Variants in CERS6 observed in about 807,000 individuals in gnomAD.
The protein encoded by CERS6 is LAG1 homolog, ceramide synthase 6.
A neutral mutation model predicts 56.8 loss-of-function variants in CERS6; 26 were observed. That is an observed-to-expected ratio of 0.46 (90% CI 0.34 to 0.63). The LOEUF is 0.63. CERS6 is among the 30% of genes least tolerant of loss of function. CERS6 has a pLI of 0.01. For missense variants in CERS6, 415 were observed against 467.5 expected (o/e 0.89, Z 1.04); for synonymous variants, 164 against 173.3 (o/e 0.95, Z 0.42).
intron 8 of CERS6, among the ~76,000 whole-genome samples, chr2:168,744,575 A>C (rs12692885): frequency 7.2e-5 from 11 of 152,130 alleles, no homozygotes; most frequent in African/African-American, 2.7e-4. Flanking sequence ...TGAATTATCT[A>C]TGAGTTGGGA....
At chr2:168,760,352 C>T (rs1684537776) in intron 8 of CERS6, among the ~76,000 whole-genome samples, 1 of 152,074 alleles carries the variant, frequency 6.6e-6, no homozygotes, top group Non-Finnish European at 1.5e-5. Flanking sequence ...GGAGACTAGG[C>T]CAGTCTCGCG....
chr2:168,660,032 G>A (rs1425961346), intron 4 of CERS6, among the ~76,000 whole-genome samples: 3 of 152,194 alleles, frequency 2.0e-5, no homozygotes, highest in Admixed American at 6.5e-5. Context: ...TATGCTTTCT[G>A]TTGCCACTAT....
chr2:168,636,451 C>T (rs945290475), intron 4 of CERS6, among the ~76,000 whole-genome samples: 2 of 152,130 alleles, frequency 1.3e-5, no homozygotes, highest in South Asian at 2.1e-4. Flanking sequence ...TGACCCTGCT[C>T]ATTATACTTA....
intron 3 of CERS6, among the ~76,000 whole-genome samples, chr2:168,596,808 A>G (rs1683811002): frequency 6.6e-6 from 1 of 152,156 alleles, no homozygotes; most frequent in Non-Finnish European, 1.5e-5. Flanking sequence ...CTGGAATTAC[A>G]GGTGTGAACC....
intron 6 of CERS6, among the ~76,000 whole-genome samples, chr2:168,712,596 G>A (rs7590078): frequency 0.027 from 4,049 of 152,272 alleles, 162 homozygotes; most frequent in African/African-American, 0.088. Context: ...ATAGTAGCGT[G>A]ATTACTTTTT....
chr2:168,631,229 A>G (rs577534906), intron 4 of CERS6, among the ~76,000 whole-genome samples, 187 bp downstream of exon 4: 3 of 150,760 alleles, frequency 2.0e-5, no homozygotes. Context: ...TAGTCACTCC[A>G]GTGGGTTATT....
At chr2:168,691,595 C>A (rs1334929791) in intron 5 of CERS6, among the ~76,000 whole-genome samples, 1 of 152,198 alleles carries the variant, frequency 6.6e-6, no homozygotes, top group African/African-American at 2.4e-5. Flanking sequence ...AGGATTATTT[C>A]TGCAACTAAA....
chr2:168,627,136 C>T (rs545154168), intron 3 of CERS6, among the ~76,000 whole-genome samples: 4 of 152,008 alleles, frequency 2.6e-5, no homozygotes, highest in African/African-American at 7.2e-5. Context: ...GAAATTTTCC[C>T]GTAAGAATGA....
intron 1 of CERS6, among the ~76,000 whole-genome samples, chr2:168,523,708 C>T (rs1263299522): frequency 2.0e-5 from 3 of 151,932 alleles, no homozygotes; most frequent in Admixed American, 6.5e-5. Flanking sequence ...TGGAGAGAGG[C>T]GTGGAGGTTC....
intron 6 of CERS6, among the ~76,000 whole-genome samples, chr2:168,711,401 T>C (rs1687085423): frequency 6.6e-6 from 1 of 152,228 alleles, no homozygotes; most frequent in African/African-American, 2.4e-5. Flanking sequence ...CCTAGAATTA[T>C]AGAACTGACA....
At chr2:168,763,431 T>G (rs1684638282) in intron 8 of CERS6, among the ~76,000 whole-genome samples, 1 of 151,770 alleles carries the variant, frequency 6.6e-6, no homozygotes, top group Non-Finnish European at 1.5e-5. Flanking sequence ...TTTTATTTTT[T>G]TTGTATTTTT....
chr2:168,631,608 A>T (rs1287995697), intron 4 of CERS6, among the ~76,000 whole-genome samples: 1 of 117,286 alleles, frequency 8.5e-6, no homozygotes, highest in Non-Finnish European at 1.6e-5. Context: ...TAAATATATA[A>T]TATATTTAAT....
At chr2:168,638,278 T>C (rs1317690937) in intron 4 of CERS6, among the ~76,000 whole-genome samples, 1 of 152,136 alleles carries the variant, frequency 6.6e-6, no homozygotes, top group African/African-American at 2.4e-5. Flanking sequence ...AGAACAATTT[T>C]TTCTCTCCTT....
intron 1 of CERS6, among the ~76,000 whole-genome samples, chr2:168,494,421 G>T (rs1458065326): frequency 6.6e-6 from 1 of 152,062 alleles, no homozygotes; most frequent in African/African-American, 2.4e-5. Flanking sequence ...TGTGAAATGA[G>T]GATAAAAATG....
chr2:168,537,554 T>C (rs932805444), intron 1 of CERS6, among the ~76,000 whole-genome samples: 4 of 152,192 alleles, frequency 2.6e-5, no homozygotes, highest in African/African-American at 4.8e-5. Context: ...AAAAAATCAA[T>C]GTATTATAGA....
chr2:168,561,343 T>C (rs1360781907), intron 3 of CERS6, 21 bp downstream of exon 3: 1 of 1,613,794 alleles, frequency 6.2e-7, no homozygotes, highest in African/African-American at 1.3e-5. Flanking sequence ...GTTTTTCTTT[T>C]TGAAAGAAAA....
intron 3 of CERS6, among the ~76,000 whole-genome samples, chr2:168,567,074 A>T (rs1225171995): frequency 1.3e-5 from 2 of 152,228 alleles, no homozygotes; most frequent in South Asian, 4.1e-4. Flanking sequence ...AATGCTGATT[A>T]TAAGTCTGGG....
At chr2:168,584,506 G>A (rs182343057) in intron 3 of CERS6, among the ~76,000 whole-genome samples, 64 of 152,248 alleles carry the variant, frequency 4.2e-4, no homozygotes, top group Admixed American at 9.8e-4. Flanking sequence ...GCTTCTGTGG[G>A]TCTCACTGAG....
In CERS6 at chr2:168,606,351, A is replaced by G. The variant is rs573262820; in HGVS notation, c.408-24634A>G. 5.3e-5 allele frequency: 8 copies of G among 152,336 alleles called. No homozygotes were observed. The South Asian group carries it at 1.7e-3, about 32-fold the overall frequency. The allele number at this position is 152,336 out of a possible 1,614,324, so 9.4% of individuals were successfully genotyped here. On this transcript the variant is annotated intron_variant, in intron 3 of 9. Transcript: ENST00000305747. ...TACCCAATGCCTATACCACCATTGT[A>G]TCTTGGAAGTAACTAACTTGTTTTT...
Sources: allele counts gnomAD v4.1 joint callset (sites outside exome capture counted in the v4.1 genomes callset), GRCh38; gene constraint gnomAD v4.1.1; transcripts MANE v1.5; gene names NCBI Gene and HGNC (gene_info 2026-07-23, HGNC 2026-07-21).